Variants in FBN1 observed in about 807,000 individuals in gnomAD.
FBN1 encodes the protein fibrillin 1, also known as fibrillin-1.
A neutral mutation model predicts 365.1 loss-of-function variants in FBN1; 29 were observed. That is an observed-to-expected ratio of 0.08 (90% CI 0.06 to 0.11). FBN1 has a LOEUF of 0.11. Among genes scored for constraint, FBN1 ranks in the 10% least tolerant of loss-of-function variants. The pLI is 1.00. For synonymous variants in FBN1, 1,210 were observed against 1,270.5 expected, an observed-to-expected ratio of 0.95 and a Z score of 1.01; for missense variants, 2,476 against 3,703.2, an observed-to-expected ratio of 0.67 and a Z score of 8.60.
chr15:48,525,905 G>T (rs1449784572), intron 9 of FBN1, among the ~76,000 whole-genome samples: 1 of 152,136 alleles, frequency 6.6e-6, no homozygotes, highest in Admixed American at 6.5e-5. Flanking sequence ...TACCTGTAAG[G>T]TCTCCTGGAT....
rs777442762 is a variant in FBN1, at chr15:48,487,319, C to A, written c.3456G>T (p.Ala1152=). 6.2e-7 allele frequency: 1 copy of A among 1,614,108 alleles called. No individual in the cohort carries two copies. Among genetic ancestry groups the A allele is most frequent in the African/African-American group, 1.3e-5 (1 of 74,946 alleles). The change falls in exon 28 of 66, where the codon GCG becomes GCT. Residue 1152 remains alanine (A), a synonymous_variant. Coordinates refer to ENST00000316623, the MANE Select transcript of FBN1 (RefSeq NM_000138.5). ...PGHQLSPNIS[A]CIDINECELS... ...GAAAGTCTTTCTCCTTACCGATACACGCGGAGATGTTGGGGGACAGCTGAT... is the reference window on the plus strand; with the variant it reads ...GAAAGTCTTTCTCCTTACCGATACAAGCGGAGATGTTGGGGGACAGCTGAT...
chr15:48,447,007 A>C (rs1450121365), intron 46 of FBN1, among the ~76,000 whole-genome samples, 185 bp from the exon 47 acceptor site: 1 of 152,164 alleles, frequency 6.6e-6, no homozygotes, highest in Admixed American at 6.6e-5. Flanking sequence ...CAAAGCTCTA[A>C]ATCTTGGGAA....
intron 6 of FBN1, among the ~76,000 whole-genome samples, chr15:48,554,722 C>T (rs1037991752): frequency 5.3e-5 from 8 of 152,144 alleles, no homozygotes; most frequent in Non-Finnish European, 8.8e-5. Context: ...AAAAGTATGA[C>T]AAATAGAAAA....
chr15:48,428,593 T>C, intron 56 of FBN1, 122 bp from the exon 57 acceptor site: 1 of 1,044,496 alleles, frequency 9.6e-7, no homozygotes, highest in Non-Finnish European at 1.5e-6. Context: ...TGTTCCTTTC[T>C]CCTTTCCTTC....
Position 48,508,593 on chromosome 15 carries a change from C to T in FBN1, c.1826G>A (p.Arg609His), listed in dbSNP as rs770393471. 9.9e-6 allele frequency: 16 copies of T among 1,613,700 alleles called. No homozygotes were observed. Among genetic ancestry groups the T allele is most frequent in the Non-Finnish European group, 1.4e-5 (16 of 1,179,744 alleles). ...KPGFQLASDG[R>H]YCKDINECET... is the part of the protein sequence containing the mutation. ...TTTATAGCACGAACCTTTGCAATAACGTCCATCTGATGCCAGCTGGAATCC... is the reference window on the plus strand; with the variant it reads ...TTTATAGCACGAACCTTTGCAATAATGTCCATCTGATGCCAGCTGGAATCC... The change falls in exon 15 of 66, where the codon CGT becomes CAT. Residue 609 changes from arginine to histidine, a missense_variant. Transcript: ENST00000316623.
intron 62 of FBN1, 139 bp downstream of exon 62, chr15:48,421,419 G>T: frequency 1.0e-6 from 1 of 965,908 alleles, no homozygotes; most frequent in Non-Finnish European, 1.6e-6. Context: ...TACAGGACCT[G>T]TGCACACTAT....
intron 35 of FBN1, among the ~76,000 whole-genome samples, chr15:48,472,111 C>A (rs1369682074): frequency 1.3e-5 from 2 of 152,226 alleles, no homozygotes; most frequent in Non-Finnish European, 2.9e-5. Flanking sequence ...TTTCTACAAA[C>A]CAAATACAGT....
At chr15:48,499,070 C>A in intron 17 of FBN1, 32 bp from the exon 18 acceptor site, 1 of 1,610,944 alleles carries the variant, frequency 6.2e-7, no homozygotes. Context: ...TAAATGATTC[C>A]CTTGTTTGCA....
intron 8 of FBN1, 80 bp from the exon 9 acceptor site, chr15:48,526,335 A>C: frequency 6.8e-7 from 1 of 1,461,308 alleles, no homozygotes. Context: ...TCAGATGTTA[A>C]CACTAGTCAA....
At chr15:48,547,341 G>A (rs976734549) in intron 6 of FBN1, among the ~76,000 whole-genome samples, 1 of 152,128 alleles carries the variant, frequency 6.6e-6, no homozygotes, top group South Asian at 2.1e-4. Flanking sequence ...CGTGGTGGGT[G>A]GGATTTCCTC....
chr15:48,470,067 T>C (rs1386942130), intron 36 of FBN1, among the ~76,000 whole-genome samples: 1 of 152,160 alleles, frequency 6.6e-6, no homozygotes, highest in African/African-American at 2.4e-5. Context: ...AAAGTCTTAG[T>C]GCCAAAGAGA....
At position 48,427,036 on chromosome 15, in the gene FBN1, T is replaced by C. The variant is rs181129810; in HGVS notation, c.7204+531A>G. ...ACAGTTGATAAACACAGGAATCATA[T>C]TGGTGACAGGCCTAGATATCTCTAG... On this transcript the variant is annotated intron_variant, in intron 58 of 65. Transcript: ENST00000316623. 1.9e-3 allele frequency among the ~76,000 whole-genome samples: 295 copies of C among 152,314 alleles called. 1 individual carries two copies. The highest frequency in any genetic ancestry group is 6.7e-3 in the African/African-American group (279 of 41,562).
chr15:48,616,047 T>C (rs895204356), intron 2 of FBN1, among the ~76,000 whole-genome samples: 2 of 152,232 alleles, frequency 1.3e-5, no homozygotes, highest in African/African-American at 4.8e-5. Flanking sequence ...AAGCAATAAC[T>C]AGACTTTCGA....
chr15:48,496,078 T>C (rs2043605984), intron 20 of FBN1, 22 bp downstream of exon 20: 3 of 1,613,552 alleles, frequency 1.9e-6, no homozygotes, highest in Non-Finnish European at 2.5e-6. Flanking sequence ...GTACACAGTA[T>C]AAGAACAAAA....
intron 6 of FBN1, among the ~76,000 whole-genome samples, chr15:48,561,110 G>A (rs575298392): frequency 1.1e-4 from 17 of 152,260 alleles, no homozygotes; most frequent in Admixed American, 9.8e-4. Context: ...AGTGATGAGT[G>A]GTCTGTCAGG....
In FBN1 at chr15:48,527,936, G is replaced by A. The variant is rs569234521; in HGVS notation, c.863-1681C>T. 2.6e-5 allele frequency among the ~76,000 whole-genome samples: 4 copies of A among 152,338 alleles called. No individual in the cohort carries two copies. In the South Asian group the frequency reaches 6.2e-4, roughly 24 times the overall value. Reference sequence around the variant, plus strand: ...GCAGACAGAGCCTAGGGTTACCCACGTAATATCTCAAGGCAGCCACACTTC... The same window carrying A: ...GCAGACAGAGCCTAGGGTTACCCACATAATATCTCAAGGCAGCCACACTTC... On this transcript the variant is annotated intron_variant, in intron 8 of 65. Transcript: ENST00000316623.
chr15:48,495,712 G>T, intron 20 of FBN1, 124 bp from the exon 21 acceptor site: 2 of 1,250,890 alleles, frequency 1.6e-6, no homozygotes, highest in Non-Finnish European at 2.3e-6. Context: ...GGGCTAAATA[G>T]TTTTTCCTAC....
chr15:48,562,805 T>C lies in FBN1; in HGVS notation c.539-24997A>G, dbSNP rs192528019. ...CAAGGAGAACAGCCCACACAAGCTTTCTGATTTAATTTAAACTGGAAGGGA... is the reference window on the plus strand; with the variant it reads ...CAAGGAGAACAGCCCACACAAGCTTCCTGATTTAATTTAAACTGGAAGGGA... On this transcript the variant is annotated intron_variant, in intron 6 of 65. Coordinates refer to ENST00000316623, the MANE Select transcript of FBN1 (RefSeq NM_000138.5). Among the ~76,000 whole-genome samples the C allele has an allele frequency of 2.6e-5, 4 of 152,296 alleles. No homozygotes were observed. The East Asian group carries it at 7.7e-4, about 29-fold the overall frequency.
intron 9 of FBN1, among the ~76,000 whole-genome samples, chr15:48,522,433 T>C (rs907685728): frequency 2.6e-5 from 4 of 152,032 alleles, no homozygotes; most frequent in South Asian, 2.1e-4. Flanking sequence ...CATGGAAAAA[T>C]TGTCTTCCAC....
Sources: allele counts gnomAD v4.1 joint callset (sites outside exome capture counted in the v4.1 genomes callset), GRCh38; gene constraint gnomAD v4.1.1; transcripts MANE v1.5; gene names NCBI Gene and HGNC (gene_info 2026-07-23, HGNC 2026-07-21).